FAM117A: variants seen among roughly 807,000 people sequenced by gnomAD.
FAM117A encodes the protein family with sequence similarity 117 member A.
In FAM117A, 21 loss-of-function variants were observed where a neutral mutation model predicts 44.1. The observed-to-expected ratio is 0.48, with a 90% CI of 0.34 to 0.69. FAM117A has a LOEUF of 0.69. Among genes scored for constraint, FAM117A ranks in the 30% least tolerant of loss-of-function variants. The probability of loss-of-function intolerance (pLI) is 0.01; values close to 1 mark genes in which losing one functional copy is unlikely to be tolerated. For missense variants in FAM117A, 498 were observed against 589.9 expected, an observed-to-expected ratio of 0.84 and a Z score of 1.61; for synonymous variants, 220 against 238.3, an observed-to-expected ratio of 0.92 and a Z score of 0.71.
At chr17:49,787,372 T>C (rs2073818961) in intron 1 of FAM117A, among the ~76,000 whole-genome samples, 1 of 152,226 alleles carries the variant, frequency 6.6e-6, no homozygotes, top group Admixed American at 6.6e-5. Flanking sequence ...AAGGTATTTA[T>C]ACTAAGCACT....
In FAM117A at chr17:49,717,652, A is replaced by G; in HGVS notation, c.771T>C (p.His257=). Residue 257 remains histidine, a synonymous_variant, in exon 6 of 8, where the codon CAT becomes CAC. Transcript: ENST00000240364. The stretch of plus-strand genomic sequence containing the variant: ...TGCCAGGCTCCAGGAGGAGGAGGGG[A>G]TGATCACAGCTGCCACTCTGGGGAG... The part of the protein sequence containing the change: ...PAPPQSGSCD[H]PLLLLEPGNL... The G allele has an allele frequency of 1.9e-6, 3 of 1,613,998 alleles. No individual in the cohort carries two copies. Among genetic ancestry groups the G allele is most frequent in the Non-Finnish European group, 1.7e-6 (2 of 1,179,920 alleles).
Position 49,719,848 on chromosome 17 carries a change from C to A in FAM117A, c.620G>T (p.Ser207Ile). 1 of 1,608,070 alleles carries A rather than the reference C, an allele frequency of 6.2e-7. No homozygotes were observed. Among genetic ancestry groups the A allele is most frequent in the South Asian group, 1.1e-5 (1 of 90,266 alleles). Residue 207 changes from serine (S) to isoleucine (I), a missense_variant, in exon 5 of 8, where the codon AGC (serine) becomes ATC (isoleucine). Ser to Ile is a moderately radical substitution (Grantham distance 142). Transcript: ENST00000240364. Reference sequence around the variant, plus strand: ...TTCCAGGCTCCTGTGCAGGCAGGGGCTGAGTCGCAAGACAGGGGACCCTGA... The same window carrying A: ...TTCCAGGCTCCTGTGCAGGCAGGGGATGAGTCGCAAGACAGGGGACCCTGA... The part of the protein sequence containing the change: ...FPSGSPVLRL[S>I]PCLHRSLEGL...
chr17:49,711,090 G>T lies in FAM117A; in HGVS notation c.*165C>A. 4.7e-6 allele frequency: 3 copies of T among 639,500 alleles called. No individual in the cohort carries two copies. The highest frequency in any genetic ancestry group is 7.8e-6 in the Non-Finnish European group (3 of 386,466). The allele number at this position is 639,500 out of a possible 1,614,324, so 39.6% of individuals were successfully genotyped here. On this transcript the variant is annotated 3_prime_UTR_variant, in exon 8 of 8. Transcript: ENST00000240364. ...AGGTCCCATCACGTTCAGAGGGGCCGGTGCCCATCAAAAAGAGGACCCAGG... is the reference window on the plus strand; with the variant it reads ...AGGTCCCATCACGTTCAGAGGGGCCTGTGCCCATCAAAAAGAGGACCCAGG...
Position 49,711,106 on chromosome 17 carries a change from AG to A in FAM117A, c.*148del. 1 of 735,978 alleles carries A rather than the reference AG, an allele frequency of 1.4e-6. No homozygotes were observed. Among genetic ancestry groups the A allele is most frequent in the Non-Finnish European group, 2.1e-6 (1 of 472,916 alleles). The allele number at this position is 735,978 out of a possible 1,614,324, so 45.6% of individuals were successfully genotyped here. ...AGAGGGGCCGGTGCCCATCAAAAAG[AG>A]GACCCAGGGCTTTGACACAGTAAGT... On this transcript the variant is annotated 3_prime_UTR_variant, in exon 8 of 8. Transcript: ENST00000240364.
chr17:49,753,586 C>T (rs1240604898), intron 1 of FAM117A, among the ~76,000 whole-genome samples: 1 of 152,146 alleles, frequency 6.6e-6, no homozygotes, highest in Non-Finnish European at 1.5e-5. Context: ...GAGGCTGGGG[C>T]GGTTGGACCA....
intron 1 of FAM117A, among the ~76,000 whole-genome samples, chr17:49,754,807 G>C (rs2073691724): frequency 6.6e-6 from 1 of 151,954 alleles, no homozygotes; most frequent in Non-Finnish European, 1.5e-5. Context: ...GGGAGGCCAA[G>C]GCGGGTGGAT....
At chr17:49,747,126 G>A (rs1445496564) in intron 1 of FAM117A, 2 of 151,268 alleles carry the variant, frequency 1.3e-5, no homozygotes, top group Non-Finnish European at 2.9e-5. Flanking sequence ...TATTACTTGG[G>A]GCAAGATAAG....
chr17:49,754,701 C>T (rs1480699910), intron 1 of FAM117A, among the ~76,000 whole-genome samples: 1 of 152,056 alleles, frequency 6.6e-6, no homozygotes, highest in Non-Finnish European at 1.5e-5. Flanking sequence ...CTCCCAATCA[C>T]ATTTTCACTC....
At position 49,775,582 on chromosome 17, in the gene FAM117A, A is replaced by C. The variant is rs543639838; in HGVS notation, c.-621+12915T>G. Among the ~76,000 whole-genome samples, 10 of 152,302 alleles carry C rather than the reference A, an allele frequency of 6.6e-5. No individual in the cohort carries two copies. The East Asian group carries it at 1.5e-3, about 23-fold the overall frequency. On this transcript the variant is annotated intron_variant, in intron 1 of 7. Coordinates refer to the FAM117A transcript ENST00000513602. ...TGCTGTGCATGGTTGAAGGTGAGGA[A>C]CTTGTACCCAATTCTGGAAGCCCCT...
intron 1 of FAM117A, among the ~76,000 whole-genome samples, chr17:49,787,674 T>C (rs569809597): frequency 5.3e-5 from 8 of 152,362 alleles, no homozygotes; most frequent in Non-Finnish European, 4.4e-5. Flanking sequence ...TCTCAAGGCC[T>C]TTCCTCCGGA....
chr17:49,759,897 C>T (rs1358450136), intron 1 of FAM117A, among the ~76,000 whole-genome samples: 4 of 152,166 alleles, frequency 2.6e-5, no homozygotes, highest in Non-Finnish European at 5.9e-5. Context: ...ACTGCCAGCT[C>T]TTCATAATCT....
rs1161946956 is a variant in FAM117A at position 49,764,088 on chromosome 17, G to A, written c.-1C>T. ...TGCCGCCCGCTGCGGCCCCCGCCATGGCTCTCCCGGCTGCCTGCCTCAGCC... is the reference window on the plus strand; with the variant it reads ...TGCCGCCCGCTGCGGCCCCCGCCATAGCTCTCCCGGCTGCCTGCCTCAGCC... On this transcript the variant is annotated 5_prime_UTR_variant, in exon 1 of 8. Transcript: ENST00000240364. The A allele has an allele frequency of 1.1e-5, 14 of 1,262,202 alleles. No homozygotes were observed. The highest frequency in any genetic ancestry group is 1.6e-5 in the African/African-American group (1 of 64,498). The allele number at this position is 1,262,202 out of a possible 1,614,324, so 78.2% of individuals were successfully genotyped here.
intron 1 of FAM117A, 61 bp from the exon 2 acceptor site, chr17:49,732,781 C>T (rs980802552): frequency 1.9e-6 from 3 of 1,546,560 alleles, no homozygotes; most frequent in African/African-American, 1.4e-5. Context: ...ACGTGGCAAT[C>T]ACCTTCCTCT....
intron 6 of FAM117A, among the ~76,000 whole-genome samples, 180 bp from the exon 7 acceptor site, chr17:49,716,495 A>G (rs2073504193): frequency 6.6e-6 from 1 of 152,260 alleles, no homozygotes; most frequent in South Asian, 2.1e-4. Flanking sequence ...GCTTACAAAA[A>G]TACACAGTGT....
chr17:49,711,666 G>C, intron 7 of FAM117A, 111 bp from the exon 8 acceptor site: 1 of 1,039,062 alleles, frequency 9.6e-7, no homozygotes, highest in Non-Finnish European at 1.4e-6. Flanking sequence ...CTGGGTCTCT[G>C]TTCAAACAGA....
chr17:49,770,629 C>T (rs1248004186), intron 1 of FAM117A, among the ~76,000 whole-genome samples: 1 of 152,126 alleles, frequency 6.6e-6, no homozygotes, highest in Non-Finnish European at 1.5e-5. Flanking sequence ...ATCGGCCAGG[C>T]GTGGTGGCTC....
chr17:49,745,170 G>A (rs1391285346), intron 1 of FAM117A, among the ~76,000 whole-genome samples: 1 of 152,134 alleles, frequency 6.6e-6, no homozygotes, highest in Non-Finnish European at 1.5e-5. Flanking sequence ...TGATACTCAA[G>A]TTAAAAACCT....
intron 1 of FAM117A, among the ~76,000 whole-genome samples, chr17:49,774,370 T>TG (rs2073770112): frequency 6.6e-6 from 1 of 151,456 alleles, no homozygotes; most frequent in Non-Finnish European, 1.5e-5. Context: ...GGTCTTTTTT[T>TG]TTTTTTTGAG....
chr17:49,755,193 C>A (rs978023019), intron 1 of FAM117A, among the ~76,000 whole-genome samples: 2 of 152,184 alleles, frequency 1.3e-5, no homozygotes, highest in Non-Finnish European at 2.9e-5. Context: ...ACTTCCCTAT[C>A]TGGTGGTTGG....
Sources: allele counts gnomAD v4.1 joint callset (sites outside exome capture counted in the v4.1 genomes callset), GRCh38; gene constraint gnomAD v4.1.1; transcripts MANE v1.5; gene names NCBI Gene and HGNC (gene_info 2026-07-23, HGNC 2026-07-21).